The following NEGR1 variants were observed in gnomAD, a reference collection of about 807,000 sequenced individuals.
NEGR1 encodes the protein IgLON family member 4.
In NEGR1, 10 loss-of-function variants were observed where a neutral mutation model predicts 40.9. The ratio of observed to expected loss-of-function variants is 0.24; its 90% CI spans 0.15 to 0.42. The LOEUF is 0.42. Ranked by LOEUF, NEGR1 falls within the 10% of genes least tolerant of loss-of-function variation. The pLI, the probability that NEGR1 is intolerant of heterozygous loss-of-function variation, is 1.00. For missense variants in NEGR1, 352 were observed against 438.9 expected, an observed-to-expected ratio of 0.80 and a Z score of 1.77; for synonymous variants, 185 against 166.8, an observed-to-expected ratio of 1.11 and a Z score of -0.84.
chr1:72,040,577 C>CAAAAAAAAAAAAAAAAAAAAAAAAA (rs5775102), intron 1 of NEGR1, among the ~76,000 whole-genome samples: 3 of 29,704 alleles, frequency 1.0e-4, no homozygotes, highest in African/African-American at 1.2e-4. Context: ...GAGCACTGAC[C>CAAAAAAAAAAAAAAAAAAAAAAAAA]AAAAAAAAAA....
intron 4 of NEGR1, among the ~76,000 whole-genome samples, chr1:71,659,344 T>C (rs1039698010): frequency 4.6e-5 from 7 of 152,110 alleles, no homozygotes; most frequent in African/African-American, 1.7e-4. Flanking sequence ...TATGGATTAC[T>C]CTTAAGTGTA....
At chr1:71,502,935 C>G (rs1369510060) in intron 6 of NEGR1, among the ~76,000 whole-genome samples, 1 of 152,098 alleles carries the variant, frequency 6.6e-6, no homozygotes. Context: ...CAAGAAACCT[C>G]TAGTAGGGAG....
chr1:71,849,797 G>A (rs1029390920), intron 2 of NEGR1, among the ~76,000 whole-genome samples: 1 of 152,116 alleles, frequency 6.6e-6, no homozygotes, highest in African/African-American at 2.4e-5. Context: ...ACCTGATGAA[G>A]GCTCGGATGA....
intron 2 of NEGR1, among the ~76,000 whole-genome samples, chr1:71,894,232 A>AGTT (rs1553172905): frequency 6.8e-6 from 1 of 148,058 alleles, no homozygotes; most frequent in Non-Finnish European, 1.5e-5. Flanking sequence ...TAATAATAAT[A>AGTT]AAAAAAGAAA....
intron 6 of NEGR1, among the ~76,000 whole-genome samples, chr1:71,537,641 G>C (rs1647551844): frequency 6.6e-6 from 1 of 151,722 alleles, no homozygotes; most frequent in Non-Finnish European, 1.5e-5. Flanking sequence ...TGATGCCATA[G>C]AGGGACAACT....
chr1:71,605,672 T>C (rs1650054191), intron 5 of NEGR1, among the ~76,000 whole-genome samples: 1 of 152,230 alleles, frequency 6.6e-6, no homozygotes, highest in Admixed American at 6.5e-5. Context: ...AGTATATTTC[T>C]ACTTAACAAC....
intron 1 of NEGR1, among the ~76,000 whole-genome samples, chr1:72,004,029 C>T (rs1270751883): frequency 1.3e-5 from 2 of 151,860 alleles, no homozygotes; most frequent in African/African-American, 4.8e-5. Context: ...TTTGTGAGAT[C>T]AGTATGCCTC....
chr1:71,671,893 C>CTTTTTTT (rs10708807), intron 4 of NEGR1, among the ~76,000 whole-genome samples: 9 of 121,588 alleles, frequency 7.4e-5, no homozygotes, highest in Non-Finnish European at 7.0e-5. Flanking sequence ...CTCTCTCTCT[C>CTTTTTTT]TTTTTTTTTT....
At chr1:72,179,077 CT>C (rs1172391665) in intron 1 of NEGR1, among the ~76,000 whole-genome samples, 1 of 151,884 alleles carries the variant, frequency 6.6e-6, no homozygotes, top group African/African-American at 2.4e-5. Flanking sequence ...ACGTCTCTGC[CT>C]GAGCTGATGT....
intron 2 of NEGR1, among the ~76,000 whole-genome samples, chr1:71,865,028 T>C (rs1037030271): frequency 6.6e-6 from 1 of 152,114 alleles, no homozygotes; most frequent in Non-Finnish European, 1.5e-5. Flanking sequence ...GAGGACAGTT[T>C]CTAACAAGTT....
chr1:71,984,283 C>T lies in NEGR1; in HGVS notation c.177-48972G>A, dbSNP rs1019027909. Among the ~76,000 whole-genome samples, 4 of 118,220 alleles carry T rather than the reference C, an allele frequency of 3.4e-5. 1 individual carries two copies. The highest frequency in any genetic ancestry group is 1.1e-4 in the African/African-American group (4 of 37,260). The allele number at this position is 118,220 out of a possible 152,430, so 77.6% of individuals were successfully genotyped here. ...CAGAATATTTATTCTGTTAAAATAA[C>T]TTTTTTTTAATTAAAAAAATGATTT... On this transcript the variant is annotated intron_variant, in intron 1 of 6. Transcript: ENST00000357731.
intron 6 of NEGR1, among the ~76,000 whole-genome samples, chr1:71,506,727 C>T (rs1647037079): frequency 6.6e-6 from 1 of 152,050 alleles, no homozygotes; most frequent in Non-Finnish European, 1.5e-5. Flanking sequence ...TTAGACCAGA[C>T]CTTAGGGAAG....
chr1:72,241,517 T>C (rs948840043), intron 1 of NEGR1, among the ~76,000 whole-genome samples: 5 of 151,724 alleles, frequency 3.3e-5, no homozygotes, highest in Admixed American at 2.6e-4. Context: ...ATAAACTAAC[T>C]ACTCATGTTT....
At chr1:71,771,900 A>G (rs1198446233) in intron 3 of NEGR1, among the ~76,000 whole-genome samples, 2 of 152,096 alleles carry the variant, frequency 1.3e-5, no homozygotes, top group East Asian at 1.9e-4. Context: ...AGAATCATCA[A>G]TAATGTCAAA....
At chr1:71,467,580 A>G (rs760121252) in intron 6 of NEGR1, among the ~76,000 whole-genome samples, 6 of 152,082 alleles carry the variant, frequency 3.9e-5, no homozygotes, top group Non-Finnish European at 8.8e-5. Flanking sequence ...ACAATTATTT[A>G]TGACTATTGA....
At chr1:71,645,678 T>G (rs1651505780) in intron 4 of NEGR1, among the ~76,000 whole-genome samples, 3 of 151,870 alleles carry the variant, frequency 2.0e-5, no homozygotes, top group Admixed American at 2.0e-4. Context: ...AGGAAATGAC[T>G]AAGTCTGAAG....
At chr1:71,920,977 T>C (rs889537739) in intron 2 of NEGR1, among the ~76,000 whole-genome samples, 2 of 152,160 alleles carry the variant, frequency 1.3e-5, no homozygotes, top group Non-Finnish European at 2.9e-5. Flanking sequence ...GCAACTGAAA[T>C]GTTAATGATA....
chr1:71,817,420 T>C (rs1570388380), intron 2 of NEGR1, among the ~76,000 whole-genome samples: 1 of 152,036 alleles, frequency 6.6e-6, no homozygotes, highest in South Asian at 2.1e-4. Context: ...CATCACAACT[T>C]AACATTTTTC....
chr1:72,052,586 C>A (rs574777088), intron 1 of NEGR1, among the ~76,000 whole-genome samples: 1 of 151,420 alleles, frequency 6.6e-6, no homozygotes, highest in African/African-American at 2.4e-5. Flanking sequence ...CCACATTTCA[C>A]AAAAATGCAC....
Sources: gnomAD v4.1 joint callset for allele counts (sites outside exome capture counted in the v4.1 genomes callset) on GRCh38, gnomAD v4.1.1 for gene constraint, MANE v1.5 for transcripts, NCBI Gene and HGNC (gene_info 2026-07-23, HGNC 2026-07-21) for gene names.